The following EDIL3 variants were observed in gnomAD, a reference collection of about 807,000 sequenced individuals.
EDIL3 encodes the protein EGF like and discoidin domains 3, also known as EGF-like repeat and discoidin I-like domain-containing protein 3.
In EDIL3, 37 loss-of-function variants were observed where a neutral mutation model predicts 67.4. The observed-to-expected ratio is 0.55, with a 90% CI of 0.42 to 0.72. EDIL3 has a LOEUF of 0.72. EDIL3 is among the 30% of genes least tolerant of loss of function. The pLI is 0.00. For synonymous variants in EDIL3, 195 were observed against 196.3 expected, an observed-to-expected ratio of 0.99 and a Z score of 0.05; for missense variants, 527 against 586.3, an observed-to-expected ratio of 0.90 and a Z score of 1.04.
chr5:84,275,085 C>T (rs1001559467), intron 1 of EDIL3, among the ~76,000 whole-genome samples: 7 of 152,088 alleles, frequency 4.6e-5, no homozygotes, highest in Non-Finnish European at 8.8e-5. Flanking sequence ...AGCCAGGTGG[C>T]GGCACATTTT....
At position 83,963,266 on chromosome 5, in the gene EDIL3, G is replaced by A; in HGVS notation, c.1232C>T (p.Ala411Val). 3.1e-6 allele frequency: 5 copies of A among 1,610,050 alleles called. No homozygotes were observed. Among genetic ancestry groups the A allele is most frequent in the Non-Finnish European group, 4.2e-6 (5 of 1,177,632 alleles). The change falls in exon 10 of 11, where the codon GCT (alanine) becomes GTT (valine). Residue 411 changes from alanine to valine, a missense_variant. Physicochemically the swap from Ala to Val is moderately conservative, Grantham distance 64. This residue lies in a region of EDIL3 where 494 missense variants were observed against 522.5 expected (regional missense o/e 0.95). Coordinates refer to ENST00000296591, the MANE Select transcript of EDIL3 (RefSeq NM_005711.5). ...HVQFVGSYKL[A>V]YSNDGEHWTV... is the part of the protein sequence containing the mutation. ...CCAGTGTTCTCCATCATTGCTGTAA[G>A]CCAGTTTGTAGGAGCCAACAAACTG...
intron 1 of EDIL3, among the ~76,000 whole-genome samples, chr5:84,362,204 C>A (rs893393659): frequency 5.9e-5 from 9 of 152,144 alleles, no homozygotes; most frequent in South Asian, 2.1e-4. Context: ...TATTACACAC[C>A]TTTGTTATTA....
chr5:84,144,352 A>C (rs1748256192), intron 4 of EDIL3, among the ~76,000 whole-genome samples: 1 of 151,682 alleles, frequency 6.6e-6, no homozygotes, highest in Non-Finnish European at 1.5e-5. Context: ...CTAGGTACTA[A>C]GAATGCAACA....
chr5:84,153,455 C>T (rs1272174582), intron 4 of EDIL3, among the ~76,000 whole-genome samples: 3 of 151,550 alleles, frequency 2.0e-5, no homozygotes, highest in East Asian at 1.9e-4. Context: ...CCACCACGCC[C>T]GGCTAATTTT....
intron 1 of EDIL3, among the ~76,000 whole-genome samples, chr5:84,369,235 TACAC>T (rs1554044613): frequency 2.6e-5 from 3 of 114,638 alleles, no homozygotes; most frequent in South Asian, 5.8e-4. Flanking sequence ...TATATAAACA[TACAC>T]ACACATATAA....
intron 9 of EDIL3, among the ~76,000 whole-genome samples, chr5:83,979,796 G>A (rs1744938910): frequency 6.6e-6 from 1 of 152,098 alleles, no homozygotes; most frequent in Non-Finnish European, 1.5e-5. Context: ...GTGAGGTCTA[G>A]ATTGGACATA....
intron 6 of EDIL3, among the ~76,000 whole-genome samples, chr5:84,074,755 G>C (rs373468401): frequency 1.3e-5 from 2 of 151,926 alleles, no homozygotes; most frequent in Admixed American, 1.3e-4. Context: ...TTGGTGGGAC[G>C]GTAAACTAGT....
chr5:84,285,181 T>TA (rs1243821254), intron 1 of EDIL3, among the ~76,000 whole-genome samples: 3 of 152,206 alleles, frequency 2.0e-5, no homozygotes, highest in Non-Finnish European at 2.9e-5. Flanking sequence ...CATGAACACT[T>TA]ACATAACCTG....
intron 6 of EDIL3, among the ~76,000 whole-genome samples, chr5:84,099,668 G>A (rs1322023503): frequency 3.9e-5 from 6 of 152,020 alleles, no homozygotes; most frequent in Admixed American, 3.3e-4. Context: ...CATAGGCATG[G>A]GCAAAGACTT....
Position 84,369,921 on chromosome 5 carries a change from T to A in EDIL3, c.67+14387A>T, listed in dbSNP as rs545041232. 5.9e-5 allele frequency among the ~76,000 whole-genome samples: 9 copies of A among 152,316 alleles called. No individual in the cohort carries two copies. In the South Asian group the frequency reaches 1.9e-3, roughly 32 times the overall value. On this transcript the variant is annotated intron_variant, in intron 1 of 10. Coordinates refer to ENST00000296591, the MANE Select transcript of EDIL3 (RefSeq NM_005711.5). The stretch of plus-strand genomic sequence containing the variant: ...CATTATACCTTTTCATCAATGAGTG[T>A]ATACTTGCTTATGGGTTACAAAATA...
At chr5:84,040,863 G>A (rs547735404) in intron 9 of EDIL3, among the ~76,000 whole-genome samples, 7 of 152,192 alleles carry the variant, frequency 4.6e-5, no homozygotes, top group Non-Finnish European at 5.9e-5. Context: ...CAGGCACAGC[G>A]GCTCACGCCT....
rs1744290558 is a variant in EDIL3 at position 84,219,159 on chromosome 5, G to A, written c.226+10696C>T. Among the ~76,000 whole-genome samples, 3 of 152,298 alleles carry A rather than the reference G, an allele frequency of 2.0e-5. No individual in the cohort carries two copies. The South Asian group carries it at 6.2e-4, about 32-fold the overall frequency. ...CCAGCTCCAGGCAGCTCAGAGCAGA[G>A]AGAGAGAGACTGCGTTTGTTTGGGA... On this transcript the variant is annotated intron_variant, in intron 3 of 10. Coordinates refer to ENST00000296591, the MANE Select transcript of EDIL3 (RefSeq NM_005711.5).
chr5:84,286,546 C>T (rs750374398), intron 1 of EDIL3, among the ~76,000 whole-genome samples: 6 of 152,062 alleles, frequency 3.9e-5, no homozygotes, highest in Admixed American at 6.6e-5. Context: ...ATATACTCTG[C>T]GTTTGCTTGC....
intron 1 of EDIL3, among the ~76,000 whole-genome samples, chr5:84,268,656 G>C (rs1446822005): frequency 6.6e-6 from 1 of 152,088 alleles, no homozygotes; most frequent in Non-Finnish European, 1.5e-5. Flanking sequence ...TAGCATCTTT[G>C]ATGATTCACG....
chr5:84,193,320 T>C (rs1305820769), intron 3 of EDIL3, among the ~76,000 whole-genome samples: 1 of 151,892 alleles, frequency 6.6e-6, no homozygotes, highest in African/African-American at 2.4e-5. Flanking sequence ...GTGGACAGAT[T>C]GGACAGAGAA....
At chr5:84,215,625 T>C (rs1376305274) in intron 3 of EDIL3, among the ~76,000 whole-genome samples, 1 of 152,100 alleles carries the variant, frequency 6.6e-6, no homozygotes, top group East Asian at 1.9e-4. Flanking sequence ...AAGTGGAGAA[T>C]GTGTGAACTT....
chr5:84,369,856 TAGCTAAACAAGTCTCAAAGTAC>T (rs954321748), intron 1 of EDIL3, among the ~76,000 whole-genome samples: 18 of 152,154 alleles, frequency 1.2e-4, no homozygotes, highest in Admixed American at 2.6e-4. Flanking sequence ...GATACTTATT[TAGCTAAACAAGTCTCAAAGTAC>T]AGACGCCAAT....
rs1351497372 is a variant in EDIL3 at position 83,963,290 on chromosome 5, T to C, written c.1208A>G (p.Gln403Arg). ...TQGAKDFGHV[Q>R]FVGSYKLAYS... ...AGCCAGTTTGTAGGAGCCAACAAAC[T>C]GTACATGACCAAAATCTTTAGCTCC... Residue 403 changes from glutamine (Q) to arginine (R), a missense_variant, in exon 10 of 11, where the codon CAG becomes CGG. Gln to Arg is a conservative substitution (Grantham distance 43). This residue lies in a region of EDIL3 where 494 missense variants were observed against 522.5 expected (regional missense o/e 0.95). Transcript: ENST00000296591. The C allele has an allele frequency of 6.2e-7, 1 of 1,610,482 alleles. No individual in the cohort carries two copies. The highest frequency in any genetic ancestry group is 2.2e-5 in the East Asian group (1 of 44,610).
intron 1 of EDIL3, among the ~76,000 whole-genome samples, chr5:84,276,736 A>T (rs909109199): frequency 6.8e-6 from 1 of 147,670 alleles, no homozygotes; most frequent in Non-Finnish European, 1.5e-5. Context: ...GCTCGGCTAA[A>T]TTTTTTTTTT....
Sources: gnomAD v4.1 joint callset for allele counts (sites outside exome capture counted in the v4.1 genomes callset) on GRCh38, gnomAD v4.1.1 for gene constraint, gnomAD v4.1.1 regional missense constraint, MANE v1.5 for transcripts, NCBI Gene and HGNC (gene_info 2026-07-23, HGNC 2026-07-21) for gene names.